OR5AN1: variants seen among roughly 807,000 people sequenced by gnomAD.
The protein encoded by OR5AN1 is olfactory receptor family 5 subfamily AN member 1.
For synonymous variants in OR5AN1, 167 were observed against 131.8 expected, an observed-to-expected ratio of 1.27 and a Z score of -1.83; for missense variants, 476 against 368.9, an observed-to-expected ratio of 1.29 and a Z score of -2.38.
intron 1 of OR5AN1, chr11:59,360,227 TAA>T (rs1486699649): frequency 6.6e-6 from 1 of 152,178 alleles, no homozygotes; most frequent in African/African-American, 2.4e-5. Context: ...AATAAAAAAG[TAA>T]AGAGTTTCAG....
In OR5AN1 at chr11:59,364,490, C is replaced by T; in HGVS notation, c.32C>T (p.Thr11Ile). 1 of 1,612,392 alleles carries T rather than the reference C, an allele frequency of 6.2e-7. No individual in the cohort carries two copies. The highest frequency in any genetic ancestry group is 1.1e-5 in the South Asian group (1 of 90,756). Residue 11 changes from threonine (T) to isoleucine (I), a missense_variant, in exon 2 of 2, where the codon ACC becomes ATC. Transcript: ENST00000641998. MTGGGNITEI[T>I]YFILLGFSDF... Reference sequence around the variant, plus strand: ...GGGGGAGGAAATATTACAGAAATCACCTATTTCATCCTGCTGGGATTCTCA... The same window carrying T: ...GGGGGAGGAAATATTACAGAAATCATCTATTTCATCCTGCTGGGATTCTCA...
chr11:59,367,945 T>A lies in OR5AN1; in HGVS notation c.*2551T>A, dbSNP rs1474493802. 4 of 152,306 alleles carry A rather than the reference T, an allele frequency of 2.6e-5. No homozygotes were observed. Among genetic ancestry groups the A allele is most frequent in the African/African-American group, 7.2e-5 (3 of 41,464 alleles). 9.4% of individuals were successfully genotyped at this position (152,306 alleles called of 1,614,324 possible). A position where few individuals can be genotyped will look rare whatever the true frequency, so the allele number is the denominator to read the frequency against. ...ACTCCAGCCTTTGGGCTTTGAAGTATCTGAGACGACTGAGGACTGAAGTAG... is the reference window on the plus strand; with the variant it reads ...ACTCCAGCCTTTGGGCTTTGAAGTAACTGAGACGACTGAGGACTGAAGTAG... On this transcript the variant is annotated 3_prime_UTR_variant, in exon 2 of 2. Coordinates refer to ENST00000641998, the MANE Select transcript of OR5AN1 (RefSeq NM_001004729.2).
Position 59,365,338 on chromosome 11 carries a change from A to T in OR5AN1, c.880A>T (p.Arg294Trp). ...PMLNPLIYSLRNKEIKDALKR... is the reference protein window; with the variant it reads ...PMLNPLIYSLWNKEIKDALKR... ...GTTAAATCCCTTGATTTACAGTTTGAGGAACAAAGAAATTAAAGATGCCTT... is the reference window on the plus strand; with the variant it reads ...GTTAAATCCCTTGATTTACAGTTTGTGGAACAAAGAAATTAAAGATGCCTT... Residue 294 changes from arginine (R) to tryptophan (W), a missense_variant, in exon 2 of 2, where the codon AGG becomes TGG. Physicochemically the swap from Arg to Trp is moderately radical, Grantham distance 101. Coordinates refer to ENST00000641998, the MANE Select transcript of OR5AN1 (RefSeq NM_001004729.2). The T allele has an allele frequency of 6.2e-7, 1 of 1,609,766 alleles. No individual in the cohort carries two copies. Among genetic ancestry groups the T allele is most frequent in the African/African-American group, 1.3e-5 (1 of 74,750 alleles).
Position 59,365,158 on chromosome 11 carries a change from G to T in OR5AN1, c.700G>T (p.Gly234Cys), listed in dbSNP as rs1857510943. 5 of 1,614,040 alleles carry T rather than the reference G, an allele frequency of 3.1e-6. No individual in the cohort carries two copies. The highest frequency in any genetic ancestry group is 4.2e-6 in the Non-Finnish European group (5 of 1,179,972). Reference protein sequence around the residue: ...ISIMKITSAKGRSKAFNTCAS... With the variant: ...ISIMKITSAKCRSKAFNTCAS... The stretch of plus-strand genomic sequence containing the variant: ...CATCATGAAGATCACTTCAGCTAAA[G>T]GCAGGTCCAAGGCATTCAACACCTG... The change falls in exon 2 of 2, where the codon GGC becomes TGC. Residue 234 changes from glycine to cysteine, a missense_variant. By Grantham distance (159) the Gly-to-Cys change is radical (BLOSUM62 -3). Coordinates refer to ENST00000641998, the MANE Select transcript of OR5AN1 (RefSeq NM_001004729.2).
At chr11:59,364,423 T>A in intron 1 of OR5AN1, 23 bp from the exon 2 acceptor site, 1 of 1,439,308 alleles carries the variant, frequency 6.9e-7, no homozygotes, top group Non-Finnish European at 9.6e-7. Flanking sequence ...CAATCCATTC[T>A]CTTGTCTCCT....
rs1857509109 is a variant in OR5AN1 at position 59,365,050 on chromosome 11, G to A, written c.592G>A (p.Val198Ile). ...CTGTACTGACACTTTCTTTGTACAG[G>A]TCATGACTGCTATATTAACCATGTT... Reference protein sequence around the residue: ...LSCTDTFFVQVMTAILTMFFG... With the variant: ...LSCTDTFFVQIMTAILTMFFG... Residue 198 changes from valine (V) to isoleucine (I), a missense_variant, in exon 2 of 2, where the codon GTC becomes ATC. Physicochemically the swap from Val to Ile is conservative, Grantham distance 29 (BLOSUM62 3). Coordinates refer to ENST00000641998, the MANE Select transcript of OR5AN1 (RefSeq NM_001004729.2). The A allele has an allele frequency of 2.5e-6, 4 of 1,613,928 alleles. No individual in the cohort carries two copies. In the Admixed American group the frequency reaches 5.0e-5, roughly 20 times the overall value.
Position 59,368,570 on chromosome 11 carries a change from AC to A in OR5AN1, c.*3182del, listed in dbSNP as rs1392625153. 6.6e-6 allele frequency: 1 copy of A among 152,218 alleles called. No individual in the cohort carries two copies. The highest frequency in any genetic ancestry group is 1.5e-5 in the Non-Finnish European group (1 of 68,158). The allele number at this position is 152,218 out of a possible 1,614,324, so 9.4% of individuals were successfully genotyped here. On this transcript the variant is annotated 3_prime_UTR_variant, in exon 2 of 2. Coordinates refer to ENST00000641998, the MANE Select transcript of OR5AN1 (RefSeq NM_001004729.2). ...GGTCTGTCTCCCACGGGTCCCACAC[AC>A]CCCCCACCACTCATCACCAGACAAA...
chr11:59,369,666 G>A lies in OR5AN1; in HGVS notation c.*4272G>A, dbSNP rs148639065. 18 of 152,308 alleles carry A rather than the reference G, an allele frequency of 1.2e-4. No homozygotes were observed. The highest frequency in any genetic ancestry group is 4.3e-4 in the African/African-American group (18 of 41,576). The allele number at this position is 152,308 out of a possible 1,614,324, so 9.4% of individuals were successfully genotyped here. On this transcript the variant is annotated 3_prime_UTR_variant, in exon 2 of 2. Transcript: ENST00000641998. ...TGACATCACTGAAAGGGAGGGGAAG[G>A]AAGAAAACAACTTGGAAAATATATT...
intron 1 of OR5AN1, among the ~76,000 whole-genome samples, chr11:59,363,675 A>G (rs1161934992): frequency 2.6e-5 from 4 of 152,236 alleles, no homozygotes; most frequent in Admixed American, 6.5e-5. Context: ...TAAAATAAAA[A>G]GTATTTTAAA....
rs881834 is a variant in OR5AN1, at chr11:59,366,894, G to A, written c.*1500G>A. 108,769 of 152,142 alleles carry A rather than the reference G, an allele frequency of 0.71. 39,193 individuals carry two copies. Among genetic ancestry groups the A allele is most frequent in the East Asian group, 0.81 (4,193 of 5,182 alleles). The allele number at this position is 152,142 out of a possible 1,614,324, so 9.4% of individuals were successfully genotyped here. A position where few individuals can be genotyped will look rare whatever the true frequency, so the allele number is the denominator to read the frequency against. The stretch of plus-strand genomic sequence containing the variant: ...CCAGAGAAATTCAGAAACACAGCTA[G>A]TAAGTGAAGGGGTGGGAATCCAAAC... On this transcript the variant is annotated 3_prime_UTR_variant, in exon 2 of 2. Transcript: ENST00000641998.
chr11:59,369,685 A>T lies in OR5AN1; in HGVS notation c.*4291A>T, dbSNP rs1477375550. On this transcript the variant is annotated 3_prime_UTR_variant, in exon 2 of 2. Transcript: ENST00000641998. ...GGGAAGGAAGAAAACAACTTGGAAA[A>T]TATATTTCAGAATATTGTCCATGAA... 6.6e-6 allele frequency: 1 copy of T among 152,250 alleles called. No homozygotes were observed. Among genetic ancestry groups the T allele is most frequent in the East Asian group, 1.9e-4 (1 of 5,204 alleles). The allele number at this position is 152,250 out of a possible 1,614,324, so 9.4% of individuals were successfully genotyped here.
Position 59,366,504 on chromosome 11 carries a change from C to T in OR5AN1, c.*1110C>T, listed in dbSNP as rs1170221862. ...CTGGATTTTGCAGTTTGTTATACAG[C>T]AGTAGTTAACCAATATACTTCATAA... On this transcript the variant is annotated 3_prime_UTR_variant, in exon 2 of 2. Transcript: ENST00000641998. 1 of 152,142 alleles carries T rather than the reference C, an allele frequency of 6.6e-6. No homozygotes were observed. Among genetic ancestry groups the T allele is most frequent in the Admixed American group, 6.5e-5 (1 of 15,282 alleles). 9.4% of individuals were successfully genotyped at this position (152,142 alleles called of 1,614,324 possible).
Position 59,364,945 on chromosome 11 carries a change from G to T in OR5AN1, c.487G>T (p.Ala163Ser), listed in dbSNP as rs1387800029. ...GLTASLFQIG[A>S]LLQLHFCGSN... ...CACTGCTTCTTTATTCCAAATTGGT[G>T]CTTTGCTTCAACTCCACTTCTGTGG... is the stretch of plus-strand genomic sequence containing the variant. The change falls in exon 2 of 2, where the codon GCT (alanine) becomes TCT (serine). Residue 163 changes from alanine (A) to serine (S), a missense_variant. Coordinates refer to ENST00000641998, the MANE Select transcript of OR5AN1 (RefSeq NM_001004729.2). 6.2e-7 allele frequency: 1 copy of T among 1,614,072 alleles called. No individual in the cohort carries two copies. The highest frequency in any genetic ancestry group is 1.1e-5 in the South Asian group (1 of 91,078).
chr11:59,365,355 A>C lies in OR5AN1; in HGVS notation c.897A>C (p.Lys299Asn). Reference sequence around the variant, plus strand: ...ACAGTTTGAGGAACAAAGAAATTAAAGATGCCTTAAAGAGGTTGCAAAAGA... The same window carrying C: ...ACAGTTTGAGGAACAAAGAAATTAACGATGCCTTAAAGAGGTTGCAAAAGA... ...LIYSLRNKEI[K>N]DALKRLQKRK... The change falls in exon 2 of 2, where the codon AAA (lysine) becomes AAC (asparagine). Residue 299 changes from lysine to asparagine, a missense_variant. By Grantham distance (94) the Lys-to-Asn change is moderately conservative (BLOSUM62 0). Coordinates refer to ENST00000641998, the MANE Select transcript of OR5AN1 (RefSeq NM_001004729.2). 1 of 1,609,236 alleles carries C rather than the reference A, an allele frequency of 6.2e-7. No homozygotes were observed. The highest frequency in any genetic ancestry group is 8.5e-7 in the Non-Finnish European group (1 of 1,178,302).
Position 59,368,417 on chromosome 11 carries a change from A to G in OR5AN1, c.*3023A>G, listed in dbSNP as rs1256837101. 1 of 152,344 alleles carries G rather than the reference A, an allele frequency of 6.6e-6. No homozygotes were observed. The highest frequency in any genetic ancestry group is 6.5e-5 in the Admixed American group (1 of 15,282). The allele number at this position is 152,344 out of a possible 1,614,324, so 9.4% of individuals were successfully genotyped here. A position where few individuals can be genotyped will look rare whatever the true frequency, so the allele number is the denominator to read the frequency against. On this transcript the variant is annotated 3_prime_UTR_variant, in exon 2 of 2. Coordinates refer to ENST00000641998, the MANE Select transcript of OR5AN1 (RefSeq NM_001004729.2). ...TAGACAGAGCTTCCGAGGTCAACAG[A>G]AAGTTTCTATGCCACTGCCTCTGCA...
In OR5AN1 at chr11:59,367,762, G is replaced by A. The variant is rs1340570085; in HGVS notation, c.*2368G>A. The stretch of plus-strand genomic sequence containing the variant: ...TAGCCAGACTATGCTTTAGGTGGGT[G>A]TCCAATCCCATTCCTCTTCACTGGG... On this transcript the variant is annotated 3_prime_UTR_variant, in exon 2 of 2. Transcript: ENST00000641998. 6.6e-6 allele frequency: 1 copy of A among 152,338 alleles called. No homozygotes were observed. The highest frequency in any genetic ancestry group is 6.5e-5 in the Admixed American group (1 of 15,286). 9.4% of individuals were successfully genotyped at this position (152,338 alleles called of 1,614,324 possible). A position where few individuals can be genotyped will look rare whatever the true frequency, so the allele number is the denominator to read the frequency against.
chr11:59,364,365 A>G, intron 1 of OR5AN1, 81 bp from the exon 2 acceptor site: 3 of 804,944 alleles, frequency 3.7e-6, no homozygotes, highest in Non-Finnish European at 5.9e-6. Context: ...TTGGAAGAAA[A>G]GATGTACACA....
intron 1 of OR5AN1, among the ~76,000 whole-genome samples, chr11:59,364,111 G>T (rs116068409): frequency 0.017 from 2,655 of 152,184 alleles, 76 homozygotes; most frequent in African/African-American, 0.061. Flanking sequence ...ATCACCAGAG[G>T]TCTTTTTGAA....
At position 59,364,523 on chromosome 11, in the gene OR5AN1, C is replaced by T; in HGVS notation, c.65C>T (p.Pro22Leu). Residue 22 changes from proline to leucine, a missense_variant, in exon 2 of 2, where the codon CCC becomes CTC. By Grantham distance (98) the Pro-to-Leu change is moderately conservative. Transcript: ENST00000641998. ...ATCCTGCTGGGATTCTCAGATTTTC[C>T]CAGGATCATAAAAGTGCTCTTCACT... ...YFILLGFSDF[P>L]RIIKVLFTIF... 6.2e-7 allele frequency: 1 copy of T among 1,613,708 alleles called. No homozygotes were observed.
Sources: allele counts gnomAD v4.1 joint callset (sites outside exome capture counted in the v4.1 genomes callset), GRCh38; gene constraint gnomAD v4.1.1; transcripts MANE v1.5; gene names NCBI Gene and HGNC (gene_info 2026-07-23, HGNC 2026-07-21).